SKP1: variants seen among roughly 807,000 people sequenced by gnomAD.
SKP1 encodes the protein S-phase kinase-associated protein 1.
Under a neutral mutation model 21.5 loss-of-function variants are expected in SKP1, and 1 was observed. The observed-to-expected ratio is 0.05, with a 90% confidence interval of 0.02 to 0.22. The LOEUF is 0.22. SKP1 is among the 10% of genes least tolerant of loss of function. The pLI, the probability that SKP1 is intolerant of heterozygous loss-of-function variation, is 1.00. For synonymous variants in SKP1, 59 were observed against 59.3 expected (o/e 0.99, Z 0.03); for missense variants, 70 against 192.0 (o/e 0.36, Z 3.76).
chr5:134,156,530 G>A lies in SKP1; in HGVS notation c.*1203C>T, dbSNP rs1388627997. The stretch of plus-strand genomic sequence containing the variant: ...ATGTGAAGAGAAAACAAGATTACAT[G>A]TGAATATAGATGTTAACTGGAAAAG... On this transcript the variant is annotated 3_prime_UTR_variant, in exon 6 of 6. Coordinates refer to ENST00000353411, the MANE Select transcript of SKP1 (RefSeq NM_170679.3). 1 of 152,070 alleles carries A rather than the reference G, an allele frequency of 6.6e-6. No homozygotes were observed. Among genetic ancestry groups the A allele is most frequent in the Non-Finnish European group, 1.5e-5 (1 of 68,020 alleles). 9.4% of individuals were successfully genotyped at this position (152,070 alleles called of 1,614,324 possible). A position where few individuals can be genotyped will look rare whatever the true frequency, so the allele number is the denominator to read the frequency against.
Position 134,163,600 on chromosome 5 carries a change from G to A in SKP1, c.172-2470C>T, listed in dbSNP as rs539596897. Among the ~76,000 whole-genome samples the A allele has an allele frequency of 2.6e-5, 4 of 151,724 alleles. No individual in the cohort carries two copies. In the South Asian group the frequency reaches 6.3e-4, roughly 24 times the overall value. ...AGCCCAGGAGTTCCGGACTAGCCTC[G>A]GCAACATGGTGAAACTCCATCTCTA... On this transcript the variant is annotated intron_variant, in intron 3 of 5. Coordinates refer to ENST00000353411, the MANE Select transcript of SKP1 (RefSeq NM_170679.3).
intron 2 of SKP1, chr5:134,173,675 G>C (rs1214200296): frequency 1.8e-6 from 1 of 564,072 alleles, no homozygotes; most frequent in African/African-American, 1.9e-5. Context: ...CCTAAGGCTT[G>C]GCAATCACTT....
rs1242421891 is a variant in SKP1, at chr5:134,151,441, C to T, written c.*6292G>A. On this transcript the variant is annotated 3_prime_UTR_variant, in exon 6 of 6. Transcript: ENST00000353411. ...TCCTGGAACAGAAAAATCTGCAAAGCAACTGAAGAAGGCAGTTAGAGGTTG... is the reference window on the plus strand; with the variant it reads ...TCCTGGAACAGAAAAATCTGCAAAGTAACTGAAGAAGGCAGTTAGAGGTTG... The T allele has an allele frequency of 3.5e-5, 9 of 253,526 alleles. No individual in the cohort carries two copies. The highest frequency in any genetic ancestry group is 8.2e-6 in the Non-Finnish European group (1 of 122,336). The allele number at this position is 253,526 out of a possible 1,614,324, so 15.7% of individuals were successfully genotyped here. A position where few individuals can be genotyped will look rare whatever the true frequency, so the allele number is the denominator to read the frequency against.
chr5:134,162,636 C>T (rs1380245075), intron 3 of SKP1, among the ~76,000 whole-genome samples: 1 of 152,122 alleles, frequency 6.6e-6, no homozygotes, highest in Admixed American at 6.5e-5. Flanking sequence ...ATCCACCCCC[C>T]TTGGCTTCCC....
At chr5:134,161,411 G>A in intron 3 of SKP1, 1 of 273,048 alleles carries the variant, frequency 3.7e-6, no homozygotes, top group Non-Finnish European at 6.8e-6. Context: ...ATGACTGGAA[G>A]ATACCTGCAA....
intron 2 of SKP1, among the ~76,000 whole-genome samples, chr5:134,167,970 C>T (rs900272091): frequency 6.6e-6 from 1 of 152,060 alleles, no homozygotes; most frequent in African/African-American, 2.4e-5. Context: ...TACCAAGGGA[C>T]GACTATAACT....
Position 134,158,445 on chromosome 5 carries a change from T to C in SKP1, c.456+10A>G, listed in dbSNP as rs1374890543. The stretch of plus-strand genomic sequence containing the variant: ...GCATGTGATCAAAGACAAAACTGTG[T>C]GCTACCTACCTGGGCTTCCTCCTCT... On this transcript the variant is annotated intron_variant, in intron 5 of 5. Transcript: ENST00000353411. 1.9e-6 allele frequency: 3 copies of C among 1,614,076 alleles called. No homozygotes were observed. In the South Asian group the frequency reaches 3.3e-5, roughly 18 times the overall value.
intron 1 of SKP1, 44 bp downstream of exon 1, chr5:134,176,811 T>C (rs1761558744): frequency 2.0e-5 from 3 of 152,546 alleles, no homozygotes; most frequent in Admixed American, 1.3e-4. Flanking sequence ...CGGCACGCAA[T>C]CCGGTAGCCA....
At chr5:134,172,555 A>G (rs191641159) in intron 2 of SKP1, among the ~76,000 whole-genome samples, 171 of 150,948 alleles carry the variant, frequency 1.1e-3, no homozygotes, top group Middle Eastern at 3.4e-3. Flanking sequence ...AAAACAGACA[A>G]AAGAGAAAGC....
chr5:134,164,193 G>A (rs993603830), intron 3 of SKP1, among the ~76,000 whole-genome samples: 4 of 151,644 alleles, frequency 2.6e-5, no homozygotes, highest in South Asian at 4.2e-4. Context: ...GTGGTGGCGC[G>A]CGCCTGTAAT....
In SKP1 at chr5:134,165,209, C is replaced by T. The variant is rs545119430; in HGVS notation, c.171+1961G>A. 3.3e-5 allele frequency among the ~76,000 whole-genome samples: 5 copies of T among 151,704 alleles called. No individual in the cohort carries two copies. The South Asian group carries it at 6.2e-4, about 19-fold the overall frequency. ...GTAATTAATGTCACTGAATGGTGCACGTTCAAAAAGTGAAAATGATCAATG... is the reference window on the plus strand; with the variant it reads ...GTAATTAATGTCACTGAATGGTGCATGTTCAAAAAGTGAAAATGATCAATG... On this transcript the variant is annotated intron_variant, in intron 3 of 5. Transcript: ENST00000353411.
intron 5 of SKP1, 158 bp downstream of exon 5, chr5:134,158,297 A>C: frequency 6.6e-7 from 1 of 1,517,176 alleles, no homozygotes; most frequent in Non-Finnish European, 8.8e-7. Context: ...CAGATTCATA[A>C]AGACAGAACA....
In SKP1 at chr5:134,153,373, C is replaced by G. The variant is rs937271657; in HGVS notation, c.*4360G>C. Reference sequence around the variant, plus strand: ...GCACACACATGTAGTCCTAGCTATTCAGGAGGCTGAGGCAGGAGGACTGTT... The same window carrying G: ...GCACACACATGTAGTCCTAGCTATTGAGGAGGCTGAGGCAGGAGGACTGTT... On this transcript the variant is annotated 3_prime_UTR_variant, in exon 6 of 6. Coordinates refer to ENST00000353411, the MANE Select transcript of SKP1 (RefSeq NM_170679.3). The G allele has an allele frequency of 6.6e-6, 1 of 152,316 alleles. No homozygotes were observed. Among genetic ancestry groups the G allele is most frequent in the Admixed American group, 6.5e-5 (1 of 15,276 alleles). The allele number at this position is 152,316 out of a possible 1,614,324, so 9.4% of individuals were successfully genotyped here. A position where few individuals can be genotyped will look rare whatever the true frequency, so the allele number is the denominator to read the frequency against.
At chr5:134,172,783 C>T (rs1222506202) in intron 2 of SKP1, among the ~76,000 whole-genome samples, 2 of 151,542 alleles carry the variant, frequency 1.3e-5, no homozygotes, top group African/African-American at 2.4e-5. Flanking sequence ...GAGCCTCAGG[C>T]GGGTGGATCG....
In SKP1 at chr5:134,151,576, A is replaced by G. The variant is rs922553883; in HGVS notation, c.*6157T>C. The G allele has an allele frequency of 2.8e-5, 12 of 429,666 alleles. No homozygotes were observed. The highest frequency in any genetic ancestry group is 3.4e-4 in the Middle Eastern group (1 of 2,924). The allele number at this position is 429,666 out of a possible 1,614,324, so 26.6% of individuals were successfully genotyped here. On this transcript the variant is annotated 3_prime_UTR_variant, in exon 6 of 6. Transcript: ENST00000353411. ...GAAATAAGCTGATCCTCAGTGTGCA[A>G]TAAGAGGCTGCTATATAGCAGGTTG...
chr5:134,170,701 G>A (rs1232557621), intron 2 of SKP1, among the ~76,000 whole-genome samples: 2 of 152,196 alleles, frequency 1.3e-5, no homozygotes, highest in Admixed American at 1.3e-4. Context: ...AAAGGCAACA[G>A]AGTAAAAGAA....
rs1224423326 is a variant in SKP1 at position 134,150,035 on chromosome 5, T to TA, written c.*7697dup. The TA allele has an allele frequency of 1.3e-5, 2 of 152,118 alleles. No homozygotes were observed. The highest frequency in any genetic ancestry group is 2.9e-5 in the Non-Finnish European group (2 of 68,038). The allele number at this position is 152,118 out of a possible 1,614,324, so 9.4% of individuals were successfully genotyped here. ...TTTCCTGAGACATCATAAGACAAGATACCTTAGCCTCCCTTGAACATTTCC... is the reference window on the plus strand; with the variant it reads ...TTTCCTGAGACATCATAAGACAAGATAACCTTAGCCTCCCTTGAACATTTCC... On this transcript the variant is annotated 3_prime_UTR_variant, in exon 6 of 6. Transcript: ENST00000353411.
At chr5:134,158,025 A>C in intron 5 of SKP1, 2 of 1,484,144 alleles carry the variant, frequency 1.3e-6, no homozygotes, top group Non-Finnish European at 1.8e-6. Context: ...AAATTCAGTT[A>C]ATTCATTCAC....
Position 134,157,890 on chromosome 5 carries a change from G to C in SKP1, c.457-122C>G. ...AGTCAGAAGAACAGATGGAAAATTAGAACAACACCAGGTTAAGACTATATT... is the reference window on the plus strand; with the variant it reads ...AGTCAGAAGAACAGATGGAAAATTACAACAACACCAGGTTAAGACTATATT... On this transcript the variant is annotated intron_variant, in intron 5 of 5. Transcript: ENST00000353411. 8 of 1,596,504 alleles carry C rather than the reference G, an allele frequency of 5.0e-6. No homozygotes were observed. The South Asian group carries it at 6.7e-5, about 13-fold the overall frequency.
Sources: gnomAD v4.1 joint callset for allele counts (sites outside exome capture counted in the v4.1 genomes callset) on GRCh38, gnomAD v4.1.1 for gene constraint, MANE v1.5 for transcripts, NCBI Gene and HGNC (gene_info 2026-07-23, HGNC 2026-07-21) for gene names.